The following ATP10B variants were observed in gnomAD, a reference collection of about 807,000 sequenced individuals.
ATP10B encodes ATPase phospholipid transporting 10B (putative), also known as phospholipid-transporting ATPase VB.
Under a neutral mutation model 141.2 loss-of-function variants are expected in ATP10B, and 122 were observed. The observed-to-expected ratio is 0.86, with a 90% CI of 0.75 to 1.00. The LOEUF is 1.00. ATP10B is among the 50% of genes least tolerant of loss of function. The pLI is 0.00. For synonymous variants in ATP10B, 685 were observed against 692.0 expected, an observed-to-expected ratio of 0.99 and a Z score of 0.16; for missense variants, 1,876 against 1,825.3, an observed-to-expected ratio of 1.03 and a Z score of -0.51.
At chr5:160,659,804 A>G (rs115484547) in intron 7 of ATP10B, among the ~76,000 whole-genome samples, 5,301 of 152,296 alleles carry the variant, frequency 0.035, 205 homozygotes, top group African/African-American at 0.097. Context: ...ATTTTCATAC[A>G]TATGAAAATT....
chr5:160,717,167 T>C (rs1765712476), intron 2 of ATP10B, 133 bp from the exon 3 acceptor site: 4 of 581,490 alleles, frequency 6.9e-6, no homozygotes, highest in Non-Finnish European at 8.7e-6. Flanking sequence ...CATATACTTA[T>C]GATAGTAGAA....
intron 7 of ATP10B, 80 bp from the exon 8 acceptor site, chr5:160,649,336 G>T: frequency 1.0e-6 from 1 of 987,478 alleles, no homozygotes; most frequent in Non-Finnish European, 1.6e-6. Context: ...GCTAATCACT[G>T]TTAGAACCAT....
intron 1 of ATP10B, among the ~76,000 whole-genome samples, chr5:160,819,696 T>C (rs989682002): frequency 1.3e-5 from 2 of 152,230 alleles, no homozygotes; most frequent in Admixed American, 1.3e-4. Flanking sequence ...AGTTAAAATG[T>C]GGAGTTTTTA....
intron 3 of ATP10B, among the ~76,000 whole-genome samples, chr5:160,703,720 C>T (rs960621283): frequency 2.6e-5 from 4 of 152,062 alleles, no homozygotes; most frequent in African/African-American, 9.7e-5. Context: ...CAGCCTTGGC[C>T]TCCCATAGTG....
At chr5:160,594,872 G>C (rs574643787) in intron 22 of ATP10B, among the ~76,000 whole-genome samples, 6 of 152,264 alleles carry the variant, frequency 3.9e-5, no homozygotes, top group African/African-American at 1.4e-4. Context: ...ACCCAATACA[G>C]GAGCACCCAG....
intron 9 of ATP10B, among the ~76,000 whole-genome samples, chr5:160,643,810 G>A (rs1760065162): frequency 6.6e-6 from 1 of 152,188 alleles, no homozygotes; most frequent in African/African-American, 2.4e-5. Context: ...AAGTTGTTAA[G>A]TTTGGTGAGG....
chr5:160,597,555 T>G (rs2127619969), intron 22 of ATP10B, among the ~76,000 whole-genome samples: 1 of 152,128 alleles, frequency 6.6e-6, no homozygotes, highest in South Asian at 2.1e-4. Flanking sequence ...GGGATCTAAT[T>G]AAACTAAAGA....
chr5:160,566,051 G>C, intron 25 of ATP10B, 151 bp from the exon 26 acceptor site: 1 of 694,188 alleles, frequency 1.4e-6, no homozygotes, highest in African/African-American at 1.8e-5. Context: ...CTCTAGTCTT[G>C]GGTAGCTCAA....
chr5:160,916,776 C>T, the ATP10B span, among the ~76,000 whole-genome samples: 1 of 152,316 alleles, frequency 6.6e-6, no homozygotes, highest in African/African-American at 2.4e-5. Flanking sequence ...CTGAGGAGGA[C>T]CATCTTCCCC....
At chr5:160,884,816 A>G in the ATP10B span, among the ~76,000 whole-genome samples, 2 of 152,240 alleles carry the variant, frequency 1.3e-5, no homozygotes, top group Non-Finnish European at 1.5e-5. Flanking sequence ...AAAATTTGAG[A>G]AACAGTGAAT....
At chr5:160,675,028 G>A (rs1036576597) in intron 6 of ATP10B, among the ~76,000 whole-genome samples, 2 of 152,292 alleles carry the variant, frequency 1.3e-5, no homozygotes, top group African/African-American at 2.4e-5. Flanking sequence ...ACAGCCCAAG[G>A]GGGTTCAGTC....
intron 8 of ATP10B, among the ~76,000 whole-genome samples, chr5:160,644,970 A>G (rs886811767): frequency 6.6e-6 from 1 of 152,010 alleles, no homozygotes; most frequent in Non-Finnish European, 1.5e-5. Flanking sequence ...ACAAAAAATT[A>G]GTCAGGCATG....
At chr5:160,818,008 T>C (rs1051560684) in intron 1 of ATP10B, among the ~76,000 whole-genome samples, 2 of 152,124 alleles carry the variant, frequency 1.3e-5, no homozygotes, top group African/African-American at 2.4e-5. Context: ...TCAAGATGGA[T>C]TAAAGACTTA....
intron 7 of ATP10B, among the ~76,000 whole-genome samples, chr5:160,669,523 C>A (rs777537360): frequency 4.6e-5 from 7 of 151,656 alleles, no homozygotes; most frequent in Non-Finnish European, 8.8e-5. Flanking sequence ...GTCTGAGGTA[C>A]CATTTATGAA....
intron 6 of ATP10B, among the ~76,000 whole-genome samples, chr5:160,671,969 C>CTTTTTTTTT (rs70990741): frequency 1.6e-4 from 11 of 68,388 alleles, no homozygotes; most frequent in Non-Finnish European, 2.4e-4. Flanking sequence ...GCAATGCATC[C>CTTTTTTTTT]TTTTTTTTTT....
chr5:160,635,430 T>C (rs1439776759), intron 11 of ATP10B, among the ~76,000 whole-genome samples: 1 of 151,848 alleles, frequency 6.6e-6, no homozygotes, highest in East Asian at 1.9e-4. Context: ...GTAAGGACTT[T>C]GGATTCCACT....
In ATP10B at chr5:160,598,907, C is replaced by A. The variant is rs752526269; in HGVS notation, c.3427G>T (p.Asp1143Tyr). ...TTGAAGAATATCATCTGCCAGTAAT[C>A]AATCATGGTGGAGCTGGAGAAACCA... ...FCGFSSSTMI[D>Y]YWQMIFFNLF... Residue 1143 changes from aspartate to tyrosine, a missense_variant, in exon 22 of 26, where the codon GAT (aspartate) becomes TAT (tyrosine). Asp to Tyr is a radical substitution (Grantham distance 160). Transcript: ENST00000327245. 6.2e-7 allele frequency: 1 copy of A among 1,614,134 alleles called. No homozygotes were observed. Among genetic ancestry groups the A allele is most frequent in the Non-Finnish European group, 8.5e-7 (1 of 1,179,994 alleles).
chr5:160,855,809 G>A (rs1753981070), upstream of ATP10B, among the ~76,000 whole-genome samples: 1 of 151,412 alleles, frequency 6.6e-6, no homozygotes, highest in African/African-American at 2.4e-5. Context: ...GTGTTTATTT[G>A]GATTTTCAAT....
At chr5:160,879,483 G>A in the ATP10B span, among the ~76,000 whole-genome samples, 81 of 142,008 alleles carry the variant, frequency 5.7e-4, no homozygotes, top group African/African-American at 1.1e-3. Flanking sequence ...ACATGTATAC[G>A]TATGTAACTA....
Sources: allele counts gnomAD v4.1 joint callset (sites outside exome capture counted in the v4.1 genomes callset), GRCh38; gene constraint gnomAD v4.1.1; transcripts MANE v1.5; gene names NCBI Gene and HGNC (gene_info 2026-07-23, HGNC 2026-07-21).